The following IL20 variants were observed in gnomAD, a reference collection of about 807,000 sequenced individuals.
IL20 encodes interleukin-20.
Under a neutral mutation model 19.2 loss-of-function variants are expected in IL20, and 22 were observed. That is an observed-to-expected ratio of 1.15 (90% CI 0.82 to 1.64). IL20 has a LOEUF of 1.64. IL20 is among the 40% of genes most tolerant of loss of function. The pLI, the probability that IL20 is intolerant of heterozygous loss-of-function variation, is 0.00. For synonymous variants in IL20, 70 were observed against 76.2 expected, an observed-to-expected ratio of 0.92 and a Z score of 0.43; for missense variants, 215 against 212.8, an observed-to-expected ratio of 1.01 and a Z score of -0.06.
chr1:206,868,170 G>GCACACA (rs3034527), intron 5 of IL20, among the ~76,000 whole-genome samples: 9 of 148,836 alleles, frequency 6.0e-5, no homozygotes, highest in Non-Finnish European at 1.2e-4. Flanking sequence ...ACAGGCACGT[G>GCACACA]CACACACACA....
At position 206,866,530 on chromosome 1, in the gene IL20, T is replaced by G; in HGVS notation, c.272T>G (p.Leu91Arg). The change falls in exon 4 of 6, where the codon CTG becomes CGG. Residue 91 changes from leucine (L) to arginine (R), a missense_variant. Coordinates refer to ENST00000367098, the MANE Select transcript of IL20 (RefSeq NM_018724.4). ...CTGCGCCATTTGCTAAGACTCTATC[T>G]GGACAGGGTATTTAAAAACTACCAG... ...CLLRHLLRLY[L>R]DRVFKNYQTP... is the part of the protein sequence containing the mutation. The G allele has an allele frequency of 6.2e-7, 1 of 1,614,138 alleles. No homozygotes were observed. The highest frequency in any genetic ancestry group is 8.5e-7 in the Non-Finnish European group (1 of 1,180,022).
chr1:206,865,588 C>T, upstream of IL20: 1 of 1,244,400 alleles, frequency 8.0e-7, no homozygotes, highest in Non-Finnish European at 1.0e-6. The surrounding 1 kb of genome is among the most constrained non-coding windows in gnomAD (Gnocchi z 4.1). Context: ...AGGATGGGGA[C>T]AGAATAAAGG....
chr1:206,867,004 G>C (rs776842046), intron 4 of IL20, among the ~76,000 whole-genome samples: 7 of 149,092 alleles, frequency 4.7e-5, no homozygotes, highest in Non-Finnish European at 7.4e-5. Context: ...TCAGAATATA[G>C]TCTGAATAGG....
chr1:206,865,442 T>C (rs1677518577), upstream of IL20: 3 of 978,392 alleles, frequency 3.1e-6, no homozygotes, highest in Admixed American at 5.5e-5. This position sits in a 1 kb window ranked among gnomAD's most constrained non-coding sequence, Gnocchi z 4.1. Context: ...CTACGTTGGC[T>C]TTCTGGAAGG....
intron 2 of IL20, 34 bp downstream of exon 2, chr1:206,866,045 C>A: frequency 1.3e-6 from 2 of 1,583,342 alleles, no homozygotes; most frequent in Non-Finnish European, 1.7e-6. Flanking sequence ...TCCTGAAAGC[C>A]TTTTCTCTTC....
At chr1:206,867,103 G>A (rs1677573992) in intron 4 of IL20, among the ~76,000 whole-genome samples, 1 of 151,352 alleles carries the variant, frequency 6.6e-6, no homozygotes, top group South Asian at 2.1e-4. Context: ...TGGGGGTTGT[G>A]GGGAGGCCAG....
chr1:206,863,828 G>C (rs922927470), upstream of IL20, among the ~76,000 whole-genome samples: 1 of 152,168 alleles, frequency 6.6e-6, no homozygotes, highest in Non-Finnish European at 1.5e-5. Context: ...TCATCAAATT[G>C]TTAGTTCAGG....
At chr1:206,868,424 A>G (rs985469328) in intron 5 of IL20, 63 bp from the exon 6 acceptor site, 3 of 1,194,974 alleles carry the variant, frequency 2.5e-6, no homozygotes, top group Non-Finnish European at 3.5e-6. Flanking sequence ...CATAAAAGAG[A>G]TAGGTCCTGG....
At chr1:206,866,132 C>T (rs1194100648) in intron 2 of IL20, 121 bp downstream of exon 2, 9 of 1,171,116 alleles carry the variant, frequency 7.7e-6, no homozygotes, top group South Asian at 5.4e-5. Flanking sequence ...ATTCCTTACC[C>T]GGGGGATGTA....
Position 206,866,379 on chromosome 1 carries a change from C to T in IL20, c.225+15C>T. The T allele has an allele frequency of 2.5e-6, 4 of 1,613,810 alleles. No individual in the cohort carries two copies. Among genetic ancestry groups the T allele is most frequent in the Non-Finnish European group, 3.4e-6 (4 of 1,179,728 alleles). ...AAGACACAAAGGTATGTGCTTGGCC[C>T]AGACAAACTCTGGGAGGAGGAGTGG... On this transcript the variant is annotated intron_variant, in intron 3 of 5. Transcript: ENST00000367098.
chr1:206,866,131 C>A (rs954976636), intron 2 of IL20, 120 bp downstream of exon 2: 4 of 1,176,464 alleles, frequency 3.4e-6, no homozygotes, highest in African/African-American at 3.0e-5. Context: ...GATTCCTTAC[C>A]CGGGGGATGT....
At chr1:206,866,447 C>G (rs368827189) in intron 3 of IL20, 37 bp from the exon 4 acceptor site, 229 of 1,613,644 alleles carry the variant, frequency 1.4e-4, no homozygotes, top group Non-Finnish European at 1.8e-4. Flanking sequence ...TCTGCTCTCC[C>G]CTTTCCCCTC....
At chr1:206,866,704 C>G in intron 4 of IL20, 68 bp downstream of exon 4, 2 of 1,433,902 alleles carry the variant, frequency 1.4e-6, no homozygotes, top group South Asian at 1.2e-5. Flanking sequence ...CAACTAAACT[C>G]TCTTTCCTAC....
rs368229277 is a variant in IL20 at position 206,866,231 on chromosome 1, T to A, written c.160-68T>A. The A allele has an allele frequency of 6.2e-4, 912 of 1,472,958 alleles. 1 individual carries two copies. Among genetic ancestry groups the A allele is most frequent in the South Asian group, 1.6e-3 (141 of 87,362 alleles). 91.2% of individuals were successfully genotyped at this position (1,472,958 alleles called of 1,614,324 possible). On this transcript the variant is annotated intron_variant, in intron 2 of 5. Coordinates refer to ENST00000367098, the MANE Select transcript of IL20 (RefSeq NM_018724.4). Reference sequence around the variant, plus strand: ...TTCTTGGCAGGGAGTGGATGAGAAGTCTTGATATTGAAGACCCTGGCAGCA... The same window carrying A: ...TTCTTGGCAGGGAGTGGATGAGAAGACTTGATATTGAAGACCCTGGCAGCA...
At chr1:206,867,808 G>A (rs1019506790) in intron 5 of IL20, among the ~76,000 whole-genome samples, 2 of 151,662 alleles carry the variant, frequency 1.3e-5, no homozygotes, top group Non-Finnish European at 2.9e-5. Context: ...ACACACCCAT[G>A]CCATTCAATT....
At chr1:206,867,529 T>C (rs1329947459) in intron 5 of IL20, 71 bp downstream of exon 5, 22 of 1,214,930 alleles carry the variant, frequency 1.8e-5, no homozygotes, top group Admixed American at 3.4e-5. Context: ...GGTGGGATGG[T>C]TATTCACTGT....
intron 5 of IL20, 28 bp downstream of exon 5, chr1:206,867,486 A>T: frequency 1.3e-6 from 2 of 1,582,592 alleles, no homozygotes; most frequent in Non-Finnish European, 1.7e-6. Context: ...ATTGATTGGG[A>T]TGGGTGTGTT....
In IL20 at chr1:206,867,445, G is replaced by A; in HGVS notation, c.440G>A (p.Ser147Asn). ...EAMKKYSQIL[S>N]HFEKLEPQAA... ...ATGAAGAAATACAGCCAGATTCTGA[G>A]TCACTTTGAAAAGGTATATGCGACT... is the stretch of plus-strand genomic sequence containing the variant. The change falls in exon 5 of 6, where the codon AGT (serine) becomes AAT (asparagine). Residue 147 changes from serine to asparagine, a missense_variant. Coordinates refer to ENST00000367098, the MANE Select transcript of IL20 (RefSeq NM_018724.4). 1.2e-6 allele frequency: 2 copies of A among 1,613,704 alleles called. No homozygotes were observed. Among genetic ancestry groups the A allele is most frequent in the Non-Finnish European group, 1.7e-6 (2 of 1,179,652 alleles).
upstream of IL20, chr1:206,865,491 C>T: frequency 9.7e-7 from 1 of 1,029,490 alleles, no homozygotes; most frequent in Non-Finnish European, 1.2e-6. This position sits in a 1 kb window ranked among gnomAD's most constrained non-coding sequence, Gnocchi z 4.1. Context: ...CAAGTTTTGA[C>T]ATTTCCCCTG....
Sources: gnomAD v4.1 joint callset for allele counts (sites outside exome capture counted in the v4.1 genomes callset) on GRCh38, gnomAD v4.1.1 for gene constraint, Gnocchi (gnomAD v3.1) non-coding constraint, MANE v1.5 for transcripts, NCBI Gene and HGNC (gene_info 2026-07-23, HGNC 2026-07-21) for gene names.